The following DHX9 variants were observed in gnomAD, a reference collection of about 807,000 sequenced individuals.
DHX9 encodes DExH-box helicase 9.
A neutral mutation model predicts 148.7 loss-of-function variants in DHX9; 27 were observed. That is an observed-to-expected ratio of 0.18 (90% CI 0.13 to 0.25). The LOEUF (loss-of-function observed/expected upper bound fraction) is 0.25. Ranked by LOEUF, DHX9 falls within the 10% of genes least tolerant of loss-of-function variation. The pLI is 1.00. For synonymous variants in DHX9, 529 were observed against 516.6 expected (o/e 1.02, Z -0.33); for missense variants, 796 against 1,559.6 (o/e 0.51, Z 8.25).
chr1:182,879,335 A>G lies in DHX9; in HGVS notation c.2437A>G (p.Ile813Val). ...CATAAAACTTCTGCGTCTAGGAGGA[A>G]TTGGCCAATTTCTGGCCAAAGCAAT... ...LSIKLLRLGGIGQFLAKAIEP... is the reference protein window; with the variant it reads ...LSIKLLRLGGVGQFLAKAIEP... The change falls in exon 21 of 28, where the codon ATT (isoleucine) becomes GTT (valine). Residue 813 changes from isoleucine to valine, a missense_variant. Around this residue, in one of 14 missense-constraint regions of DHX9, gnomAD observed 122 missense variants for 289.3 expected, o/e 0.42. Transcript: ENST00000367549. 1.3e-6 allele frequency: 2 copies of G among 1,551,310 alleles called. No homozygotes were observed. Among genetic ancestry groups the G allele is most frequent in the Non-Finnish European group, 1.8e-6 (2 of 1,133,740 alleles).
In DHX9 at chr1:182,858,099, T is replaced by C; in HGVS notation, c.674-5T>C. ...CTGTCTGATAATCCTGACCTTACAT[T>C]ATAGGGATTTTTGCACGAGAACATG... On this transcript the variant is annotated splice_region_variant and splice_polypyrimidine_tract_variant and intron_variant, in intron 7 of 27. Coordinates refer to ENST00000367549, the MANE Select transcript of DHX9 (RefSeq NM_001357.5). 1.2e-6 allele frequency: 2 copies of C among 1,610,262 alleles called. No individual in the cohort carries two copies. The highest frequency in any genetic ancestry group is 1.7e-6 in the Non-Finnish European group (2 of 1,179,154).
chr1:182,881,062 G>T (rs944857829), intron 22 of DHX9, among the ~76,000 whole-genome samples: 1 of 152,244 alleles, frequency 6.6e-6, no homozygotes, highest in African/African-American at 2.4e-5. Flanking sequence ...TGATAAATAT[G>T]TGGCCATTAG....
At chr1:182,848,703 A>C (rs909521364) in intron 3 of DHX9, among the ~76,000 whole-genome samples, 1 of 152,218 alleles carries the variant, frequency 6.6e-6, no homozygotes, top group Non-Finnish European at 1.5e-5. Context: ...AGACTGCATA[A>C]TTTATAAAGA....
chr1:182,857,719 T>G (rs1668281427), intron 7 of DHX9, among the ~76,000 whole-genome samples: 1 of 152,366 alleles, frequency 6.6e-6, no homozygotes, highest in South Asian at 2.1e-4. Context: ...TCCCAAATCC[T>G]GGTCTAGGTA....
chr1:182,854,329 A>G (rs1571302870), intron 6 of DHX9, 151 bp downstream of exon 6: 1 of 773,478 alleles, frequency 1.3e-6, no homozygotes, highest in South Asian at 3.0e-5. Context: ...CACAAGAATA[A>G]TTATTGATTT....
intron 12 of DHX9, among the ~76,000 whole-genome samples, chr1:182,861,368 C>T (rs1339419293): frequency 1.3e-5 from 2 of 152,138 alleles, no homozygotes; most frequent in East Asian, 1.9e-4. Flanking sequence ...TTTTGACTTA[C>T]AGTGAAGGCT....
rs1361192616 is a variant in DHX9 at position 182,852,184 on chromosome 1, C to T, written c.253-49C>T. The T allele has an allele frequency of 6.5e-6, 8 of 1,235,806 alleles. No homozygotes were observed. In the African/African-American group the frequency reaches 7.6e-5, roughly 12 times the overall value. 76.6% of individuals were successfully genotyped at this position (1,235,806 alleles called of 1,614,324 possible). On this transcript the variant is annotated intron_variant, in intron 3 of 27. Coordinates refer to ENST00000367549, the MANE Select transcript of DHX9 (RefSeq NM_001357.5). ...TAAGTATTAAAAGAATTTACTAGTCCCCGTGAAGGCAAAAGCACTGACAGC... is the reference window on the plus strand; with the variant it reads ...TAAGTATTAAAAGAATTTACTAGTCTCCGTGAAGGCAAAAGCACTGACAGC...
At chr1:182,866,394 T>C (rs756171858) in intron 12 of DHX9, 50 bp from the exon 13 acceptor site, 20 of 1,584,084 alleles carry the variant, frequency 1.3e-5, no homozygotes, top group Non-Finnish European at 1.7e-5. Context: ...AATAAACAAG[T>C]ATATCTAACT....
intron 15 of DHX9, among the ~76,000 whole-genome samples, chr1:182,874,463 G>T (rs1356586365): frequency 6.6e-6 from 1 of 152,190 alleles, no homozygotes; most frequent in Non-Finnish European, 1.5e-5. Flanking sequence ...TCCTTCTTCA[G>T]ATTGACCAGA....
intron 8 of DHX9, 91 bp from the exon 9 acceptor site, chr1:182,858,460 G>T: frequency 1.7e-6 from 2 of 1,207,492 alleles, no homozygotes. Context: ...ATTGGTTTAG[G>T]AATATTGTAG....
intron 3 of DHX9, among the ~76,000 whole-genome samples, chr1:182,844,220 G>A (rs1667984740): frequency 6.6e-6 from 1 of 152,186 alleles, no homozygotes; most frequent in Admixed American, 6.5e-5. Context: ...CCAAAGTGCT[G>A]GGATCACAGG....
At chr1:182,858,471 A>G in intron 8 of DHX9, 80 bp from the exon 9 acceptor site, 1 of 1,250,618 alleles carries the variant, frequency 8.0e-7, no homozygotes. Flanking sequence ...AATATTGTAG[A>G]CCTAGTGTTG....
At position 182,878,060 on chromosome 1, in the gene DHX9, C is replaced by T. The variant is rs763984418; in HGVS notation, c.2238C>T (p.Thr746=). 5 of 1,614,170 alleles carry T rather than the reference C, an allele frequency of 3.1e-6. No individual in the cohort carries two copies. The Admixed American group carries it at 8.3e-5, about 27-fold the overall frequency. The change falls in exon 20 of 28, where the codon ACC becomes ACT. Residue 746 remains threonine (T), a synonymous_variant. Transcript: ENST00000367549. ...TCTTCACTGCTCACAACAATATGAC[C>T]AACTATGCTACCGTATGGGCATCAA... ...VKLFTAHNNM[T]NYATVWASKT...
chr1:182,851,784 CTATT>C (rs1557966248), intron 3 of DHX9, among the ~76,000 whole-genome samples: 1 of 152,154 alleles, frequency 6.6e-6, no homozygotes, highest in Non-Finnish European at 1.5e-5. Context: ...AGAAAAATAT[CTATT>C]CCGTGATCAT....
At chr1:182,851,849 C>T (rs1376091320) in intron 3 of DHX9, among the ~76,000 whole-genome samples, 2 of 152,046 alleles carry the variant, frequency 1.3e-5, no homozygotes. Flanking sequence ...CACTAATGAC[C>T]AATAAAATAC....
At chr1:182,884,889 G>T in intron 27 of DHX9, 76 bp downstream of exon 27, 1 of 1,389,984 alleles carries the variant, frequency 7.2e-7, no homozygotes, top group South Asian at 1.2e-5. Flanking sequence ...CCTGAAGTTA[G>T]TGATAGAAGC....
intron 3 of DHX9, among the ~76,000 whole-genome samples, chr1:182,849,825 G>A (rs1416197856): frequency 6.6e-6 from 1 of 150,730 alleles, no homozygotes; most frequent in Non-Finnish European, 1.5e-5. Flanking sequence ...TGGATTCTTG[G>A]TCTTTTCCTC....
At chr1:182,870,751 C>T (rs2102611530) in intron 14 of DHX9, among the ~76,000 whole-genome samples, 1 of 152,152 alleles carries the variant, frequency 6.6e-6, no homozygotes, top group African/African-American at 2.4e-5. Context: ...ACAGTGCTGT[C>T]CAAAAGAAAT....
chr1:182,871,201 G>A (rs1648538755), intron 14 of DHX9, among the ~76,000 whole-genome samples: 2 of 152,122 alleles, frequency 1.3e-5, no homozygotes, highest in Non-Finnish European at 2.9e-5. Flanking sequence ...AGTAAGATAA[G>A]TAAACAACTT....
Sources: gnomAD v4.1 joint callset for allele counts (sites outside exome capture counted in the v4.1 genomes callset) on GRCh38, gnomAD v4.1.1 for gene constraint, gnomAD v4.1.1 regional missense constraint, MANE v1.5 for transcripts, NCBI Gene and HGNC (gene_info 2026-07-23, HGNC 2026-07-21) for gene names.